The following FRMD4A variants were observed in gnomAD, a reference collection of about 807,000 sequenced individuals.
The protein encoded by FRMD4A is FERM domain-containing protein 4A.
In FRMD4A, 29 loss-of-function variants were observed where a neutral mutation model predicts 129.1. The ratio of observed to expected loss-of-function variants is 0.22; its 90% confidence interval spans 0.17 to 0.31. The LOEUF is 0.31. Ranked by LOEUF, FRMD4A falls within the 10% of genes least tolerant of loss-of-function variation. The pLI, the probability that FRMD4A is intolerant of heterozygous loss-of-function variation, is 1.00. For synonymous variants in FRMD4A, 634 were observed against 571.6 expected (o/e 1.11, Z -1.56); for missense variants, 1,272 against 1,375.8 (o/e 0.92, Z 1.19).
intron 2 of FRMD4A, among the ~76,000 whole-genome samples, chr10:14,115,786 G>A (rs965565209): frequency 3.9e-5 from 6 of 152,218 alleles, no homozygotes; most frequent in Non-Finnish European, 8.8e-5. Context: ...TGCACCAGAA[G>A]CAGATGCCAG....
At chr10:14,267,821 A>T (rs1242610827) in intron 2 of FRMD4A, among the ~76,000 whole-genome samples, 1 of 152,216 alleles carries the variant, frequency 6.6e-6, no homozygotes, top group Non-Finnish European at 1.5e-5. Flanking sequence ...ATATTATGAC[A>T]CAAGACCTAA....
chr10:13,831,078 C>T (rs1451946217), intron 3 of FRMD4A, among the ~76,000 whole-genome samples: 1 of 152,214 alleles, frequency 6.6e-6, no homozygotes, highest in South Asian at 2.1e-4. Flanking sequence ...GTGTGAGCCA[C>T]CATGCCTGGC....
intron 18 of FRMD4A, among the ~76,000 whole-genome samples, chr10:13,665,772 G>C (rs1417998280): frequency 6.6e-6 from 1 of 152,224 alleles, no homozygotes; most frequent in Non-Finnish European, 1.5e-5. Context: ...GAGTGTCAGA[G>C]CCTGGTCTAG....
chr10:13,926,234 A>G (rs1173050562), intron 2 of FRMD4A, among the ~76,000 whole-genome samples: 3 of 152,218 alleles, frequency 2.0e-5, no homozygotes, highest in Non-Finnish European at 4.4e-5. Flanking sequence ...TGCCCTGGCC[A>G]ACTGTGAACA....
At chr10:13,930,429 C>A (rs2095180326) in intron 2 of FRMD4A, among the ~76,000 whole-genome samples, 1 of 152,192 alleles carries the variant, frequency 6.6e-6, no homozygotes, top group East Asian at 1.9e-4. Flanking sequence ...GGTTACTTGT[C>A]CTGCGTGAGC....
intron 2 of FRMD4A, among the ~76,000 whole-genome samples, chr10:14,020,965 C>T (rs747860543): frequency 6.6e-6 from 1 of 152,182 alleles, no homozygotes; most frequent in African/African-American, 2.4e-5. Flanking sequence ...CTACCATGTG[C>T]CTCCTTGGCA....
In FRMD4A at chr10:13,849,504, G is replaced by A. The variant is rs111788116; in HGVS notation, c.111+9343C>T. Among the ~76,000 whole-genome samples the A allele has an allele frequency of 8.6e-3, 1,275 of 148,062 alleles. 15 individuals carry two copies. Among genetic ancestry groups the A allele is most frequent in the Non-Finnish European group, 0.014 (916 of 67,286 alleles). ...TGCATTTTTTTTTTTTTTTTGATAC[G>A]GAGTTCGCTCTTGTTGCCCAGGCTA... On this transcript the variant is annotated intron_variant, in intron 3 of 24. Transcript: ENST00000357447.
intron 2 of FRMD4A, among the ~76,000 whole-genome samples, chr10:14,096,117 G>A (rs1836945288): frequency 6.6e-6 from 1 of 152,156 alleles, no homozygotes; most frequent in African/African-American, 2.4e-5. Context: ...CCAACACGTG[G>A]GTATTAAGAA....
intron 3 of FRMD4A, among the ~76,000 whole-genome samples, chr10:13,828,445 C>T (rs4750426): frequency 0.78 from 118,287 of 151,962 alleles, 46,173 homozygotes; most frequent in East Asian, 0.9. Context: ...GTTCCATCCA[C>T]GTTGCTGCAA....
intron 15 of FRMD4A, among the ~76,000 whole-genome samples, chr10:13,682,359 C>T (rs1018880488): frequency 6.6e-5 from 10 of 152,244 alleles, no homozygotes; most frequent in African/African-American, 2.4e-4. Context: ...GTACCACCCA[C>T]CGTGGCCACA....
intron 18 of FRMD4A, among the ~76,000 whole-genome samples, chr10:13,665,341 C>A (rs1318340005): frequency 6.6e-6 from 1 of 152,050 alleles, no homozygotes; most frequent in African/African-American, 2.4e-5. Flanking sequence ...CCTAAGCCCC[C>A]TATAGTAACC....
intron 14 of FRMD4A, among the ~76,000 whole-genome samples, chr10:13,696,024 T>C (rs3750883): frequency 0.54 from 82,048 of 152,026 alleles, 22,508 homozygotes; most frequent in African/African-American, 0.64. Context: ...CTGGTGTGAA[T>C]TGTCTTCCTC....
intron 2 of FRMD4A, among the ~76,000 whole-genome samples, chr10:14,058,032 C>T (rs747995291): frequency 6.6e-5 from 10 of 152,198 alleles, no homozygotes; most frequent in Non-Finnish European, 1.3e-4. Flanking sequence ...GCAAGTAAAA[C>T]CATTCATTAA....
intron 2 of FRMD4A, among the ~76,000 whole-genome samples, chr10:14,065,917 T>C (rs1374776999): frequency 1.3e-5 from 2 of 152,114 alleles, no homozygotes; most frequent in African/African-American, 2.4e-5. Context: ...CCTAGCCCCC[T>C]GTTATCCTTG....
chr10:14,083,015 T>A (rs1230323113), intron 2 of FRMD4A: 5 of 152,214 alleles, frequency 3.3e-5, no homozygotes, highest in African/African-American at 1.2e-4. Context: ...TTGTTGCACA[T>A]CACGCAGATC....
chr10:14,048,792 C>A (rs1467180697), intron 2 of FRMD4A, among the ~76,000 whole-genome samples: 1 of 150,728 alleles, frequency 6.6e-6, no homozygotes, highest in Non-Finnish European at 1.5e-5. Flanking sequence ...GGTGACAGAG[C>A]GAGACTCTTG....
rs1842345945 is a variant in FRMD4A, at chr10:14,192,407, G to A, written c.45+137651C>T. Among the ~76,000 whole-genome samples the A allele has an allele frequency of 2.0e-5, 3 of 152,252 alleles. No individual in the cohort carries two copies. In the South Asian group the frequency reaches 6.2e-4, roughly 32 times the overall value. Reference sequence around the variant, plus strand: ...CCTAATTAGCTTAGAAGCAAAAATGGGAAAGTGTAAATATCAGGAAATATA... The same window carrying A: ...CCTAATTAGCTTAGAAGCAAAAATGAGAAAGTGTAAATATCAGGAAATATA... On this transcript the variant is annotated intron_variant, in intron 2 of 24. Coordinates refer to ENST00000357447, the MANE Select transcript of FRMD4A (RefSeq NM_018027.5).
rs11312756 is a variant in FRMD4A, at chr10:14,033,306, C to CA, written c.46-174395dup. On this transcript the variant is annotated intron_variant, in intron 2 of 24. Coordinates refer to ENST00000357447, the MANE Select transcript of FRMD4A (RefSeq NM_018027.5). ...TGGCCAACAGAGCGAGACTGTGTCTCAAAAAAAAAAAAAAAATTATTTTAG... is the reference window on the plus strand; with the variant it reads ...TGGCCAACAGAGCGAGACTGTGTCTCAAAAAAAAAAAAAAAAATTATTTTAG... Among the ~76,000 whole-genome samples the CA allele has an allele frequency of 5.1e-3, 727 of 141,496 alleles. 6 individuals carry two copies. The highest frequency in any genetic ancestry group is 0.017 in the African/African-American group (665 of 38,358). The allele number at this position is 141,496 out of a possible 152,430, so 92.8% of individuals were successfully genotyped here. A position where few individuals can be genotyped will look rare whatever the true frequency, so the allele number is the denominator to read the frequency against.
intron 2 of FRMD4A, among the ~76,000 whole-genome samples, chr10:14,149,514 T>G (rs1474253621): frequency 6.6e-6 from 1 of 151,990 alleles, no homozygotes; most frequent in Admixed American, 6.6e-5. Flanking sequence ...AGTTTTTGTA[T>G]TTTTTGTAGA....
Sources: gnomAD v4.1 joint callset for allele counts (sites outside exome capture counted in the v4.1 genomes callset) on GRCh38, gnomAD v4.1.1 for gene constraint, MANE v1.5 for transcripts, NCBI Gene and HGNC (gene_info 2026-07-23, HGNC 2026-07-21) for gene names.